Variants in ERBB4 observed in about 807,000 individuals in gnomAD.
ERBB4 encodes the protein erb-b2 receptor tyrosine kinase 4.
A neutral mutation model predicts 158.0 loss-of-function variants in ERBB4; 42 were observed. The observed-to-expected ratio is 0.27, with a 90% CI of 0.21 to 0.34. ERBB4 has a LOEUF of 0.34. ERBB4 is among the 10% of genes least tolerant of loss of function. The pLI is 1.00. For missense variants in ERBB4, 1,333 were observed against 1,624.1 expected, an observed-to-expected ratio of 0.82 and a Z score of 3.08; for synonymous variants, 583 against 558.7, an observed-to-expected ratio of 1.04 and a Z score of -0.61.
At chr2:212,050,247 T>C (rs2077365111) in intron 2 of ERBB4, among the ~76,000 whole-genome samples, 1 of 152,274 alleles carries the variant, frequency 6.6e-6, no homozygotes, top group African/African-American at 2.4e-5. Flanking sequence ...CAGAAAACTT[T>C]CTGGCAAAGT....
chr2:212,299,089 G>A (rs1466837752), intron 1 of ERBB4, among the ~76,000 whole-genome samples: 1 of 151,590 alleles, frequency 6.6e-6, no homozygotes, highest in African/African-American at 2.4e-5. Context: ...ATTATAATTT[G>A]TGAGCTAAGT....
At chr2:211,791,167 T>A (rs2076271862) in intron 3 of ERBB4, among the ~76,000 whole-genome samples, 1 of 151,950 alleles carries the variant, frequency 6.6e-6, no homozygotes, top group Non-Finnish European at 1.5e-5. Flanking sequence ...AAGGACTGCC[T>A]AATGTTTCTG....
At chr2:211,549,449 G>A (rs1232080452) in intron 20 of ERBB4, among the ~76,000 whole-genome samples, 1 of 152,042 alleles carries the variant, frequency 6.6e-6, no homozygotes, top group African/African-American at 2.4e-5. Flanking sequence ...CCACAAAAGT[G>A]CTCGGCTTCT....
At chr2:212,142,624 A>G (rs1398082099) in intron 1 of ERBB4, among the ~76,000 whole-genome samples, 1 of 147,942 alleles carries the variant, frequency 6.8e-6, no homozygotes, top group Non-Finnish European at 1.5e-5. Context: ...TATATATAAT[A>G]TATATAAATA....
intron 1 of ERBB4, among the ~76,000 whole-genome samples, chr2:212,357,105 A>T (rs1398094016): frequency 1.3e-5 from 2 of 151,888 alleles, no homozygotes; most frequent in Non-Finnish European, 2.9e-5. Flanking sequence ...TATGTGAGCA[A>T]ATTTGCTATT....
At chr2:212,117,237 T>C (rs913837872) in intron 2 of ERBB4, among the ~76,000 whole-genome samples, 1 of 152,212 alleles carries the variant, frequency 6.6e-6, no homozygotes, top group African/African-American at 2.4e-5. Context: ...TAATGCAGTA[T>C]CTAAATATGT....
chr2:211,698,585 C>A (rs1019603441), intron 12 of ERBB4, among the ~76,000 whole-genome samples: 1 of 151,488 alleles, frequency 6.6e-6, no homozygotes, highest in Non-Finnish European at 1.5e-5. Context: ...GAGAAAGGTA[C>A]TATTAAAATT....
intron 2 of ERBB4, among the ~76,000 whole-genome samples, chr2:212,015,852 T>C (rs1159549266): frequency 1.3e-5 from 2 of 152,198 alleles, no homozygotes; most frequent in African/African-American, 4.8e-5. Flanking sequence ...TGAACAGTTT[T>C]AGAATGCAAA....
At chr2:212,254,536 CATTTGA>C (rs1384249342) in intron 1 of ERBB4, among the ~76,000 whole-genome samples, 3 of 152,176 alleles carry the variant, frequency 2.0e-5, no homozygotes, top group Non-Finnish European at 4.4e-5. Flanking sequence ...GGATCACAAT[CATTTGA>C]ACAAACCCCC....
intron 1 of ERBB4, among the ~76,000 whole-genome samples, chr2:212,152,596 C>A (rs2080906422): frequency 6.6e-6 from 1 of 152,140 alleles, no homozygotes; most frequent in African/African-American, 2.4e-5. Context: ...TCACCTACTC[C>A]ACTGACTTTC....
At chr2:212,281,501 T>A (rs2085758876) in intron 1 of ERBB4, among the ~76,000 whole-genome samples, 1 of 151,752 alleles carries the variant, frequency 6.6e-6, no homozygotes, top group Non-Finnish European at 1.5e-5. Context: ...AAAATTTCTA[T>A]TTGTAGTAGT....
intron 1 of ERBB4, among the ~76,000 whole-genome samples, chr2:212,250,864 T>C (rs1316598052): frequency 6.6e-6 from 1 of 151,946 alleles, no homozygotes; most frequent in Non-Finnish European, 1.5e-5. Context: ...CCCTGTTTTC[T>C]TATTTCCATT....
chr2:211,685,222 A>G (rs1472159075), intron 12 of ERBB4, among the ~76,000 whole-genome samples: 1 of 152,044 alleles, frequency 6.6e-6, no homozygotes, highest in East Asian at 1.9e-4. Context: ...ATCCCTAATG[A>G]TTTCTCCATT....
chr2:212,407,793 T>C (rs1242881059), intron 1 of ERBB4, among the ~76,000 whole-genome samples: 1 of 152,106 alleles, frequency 6.6e-6, no homozygotes, highest in African/African-American at 2.4e-5. Flanking sequence ...TGACATATTA[T>C]ACTATTCTAG....
intron 12 of ERBB4, among the ~76,000 whole-genome samples, chr2:211,695,317 T>G (rs2072972782): frequency 6.6e-6 from 1 of 152,104 alleles, no homozygotes; most frequent in South Asian, 2.1e-4. Context: ...ATGGGGTGGA[T>G]TTTTCTACTG....
At chr2:212,317,962 A>G (rs1184944461) in intron 1 of ERBB4, among the ~76,000 whole-genome samples, 1 of 151,676 alleles carries the variant, frequency 6.6e-6, no homozygotes, top group Non-Finnish European at 1.5e-5. Context: ...TAAAAAAGAG[A>G]CAGCAAAACT....
intron 1 of ERBB4, among the ~76,000 whole-genome samples, chr2:212,530,288 C>G (rs1260119333): frequency 6.6e-6 from 1 of 152,144 alleles, no homozygotes; most frequent in Non-Finnish European, 1.5e-5. Flanking sequence ...ACTTATTTAA[C>G]TGCTCTGTTC....
In ERBB4 at chr2:211,943,895, T is replaced by C. The variant is rs994868324; in HGVS notation, c.421+3535A>G. 3.9e-5 allele frequency among the ~76,000 whole-genome samples: 6 copies of C among 151,920 alleles called. No individual in the cohort carries two copies. In the East Asian group the frequency reaches 1.2e-3, roughly 29 times the overall value. ...TTTAATGTGCGAATTAATCTGTATA[T>C]GTCTAAGTGACATCCAACCATTAGC... is the stretch of plus-strand genomic sequence containing the variant. On this transcript the variant is annotated intron_variant, in intron 3 of 27. Transcript: ENST00000342788.
chr2:211,996,243 C>T (rs2049165), intron 2 of ERBB4, among the ~76,000 whole-genome samples: 119,412 of 151,914 alleles, frequency 0.79, 48,634 homozygotes, highest in Non-Finnish European at 0.91. Context: ...CATATCTTTT[C>T]ATAAAATTAA....
Sources: gnomAD v4.1 joint callset for allele counts (sites outside exome capture counted in the v4.1 genomes callset) on GRCh38, gnomAD v4.1.1 for gene constraint, MANE v1.5 for transcripts, NCBI Gene and HGNC (gene_info 2026-07-23, HGNC 2026-07-21) for gene names.